Variants in DNAI4 observed in about 807,000 individuals in gnomAD.
DNAI4 encodes the protein WD repeat domain 78.
A neutral mutation model predicts 105.8 loss-of-function variants in DNAI4; 85 were observed. The observed-to-expected ratio is 0.80, with a 90% CI of 0.67 to 0.96. The LOEUF (loss-of-function observed/expected upper bound fraction) is 0.96, where lower values mean the gene tolerates loss of function less well. Ranked by LOEUF, DNAI4 falls within the 40% of genes least tolerant of loss-of-function variation. The pLI is 0.00. For synonymous variants in DNAI4, 352 were observed against 331.5 expected (o/e 1.06, Z -0.67); for missense variants, 1,014 against 1,005.6 (o/e 1.01, Z -0.11).
intron 16 of DNAI4, among the ~76,000 whole-genome samples, chr1:66,816,727 TCACACA>T (rs57920483): frequency 0.11 from 15,528 of 137,564 alleles, 1,015 homozygotes; most frequent in African/African-American, 0.18. Flanking sequence ...AGCCTTGAAA[TCACACA>T]CACACACACA....
rs115103884 is a variant in DNAI4 at position 66,856,140 on chromosome 1, T to G, written c.1096+6007A>C. On this transcript the variant is annotated intron_variant, in intron 7 of 16. Coordinates refer to ENST00000371026, the MANE Select transcript of DNAI4 (RefSeq NM_024763.5). ...GTAAACCACCACACCTGGCAAAAGA[T>G]ACACTTGAATATCACCAGCAATCAA... Among the ~76,000 whole-genome samples the G allele has an allele frequency of 4.8e-3, 724 of 150,044 alleles. 6 individuals carry two copies. The highest frequency in any genetic ancestry group is 0.017 in the African/African-American group (701 of 41,054).
intron 9 of DNAI4, among the ~76,000 whole-genome samples, chr1:66,839,160 G>C (rs1457455098): frequency 6.6e-6 from 1 of 152,048 alleles, no homozygotes; most frequent in Non-Finnish European, 1.5e-5. Context: ...GGACAGGAAT[G>C]GTAGCTCACA....
intron 3 of DNAI4, 140 bp downstream of exon 3, chr1:66,893,089 G>GAAAGAA (rs1569807886): frequency 2.4e-6 from 1 of 408,600 alleles, no homozygotes; most frequent in East Asian, 3.6e-5. Context: ...AAGAAAGAAA[G>GAAAGAA]AAAGAAAGAA....
At chr1:66,870,182 G>A (rs1039966476) in intron 6 of DNAI4, among the ~76,000 whole-genome samples, 4 of 152,176 alleles carry the variant, frequency 2.6e-5, no homozygotes, top group African/African-American at 9.7e-5. Context: ...GGTGGCTCAT[G>A]CCTGGAATCC....
At chr1:66,881,000 C>A (rs1647057457) in intron 4 of DNAI4, among the ~76,000 whole-genome samples, 1 of 152,192 alleles carries the variant, frequency 6.6e-6, no homozygotes, top group African/African-American at 2.4e-5. Flanking sequence ...CAAGCTATGG[C>A]TTCAGAGGGT....
At chr1:66,879,930 G>A (rs1647032330) in intron 4 of DNAI4, among the ~76,000 whole-genome samples, 1 of 150,316 alleles carries the variant, frequency 6.7e-6, no homozygotes, top group South Asian at 2.1e-4. Flanking sequence ...AACTCCCACA[G>A]TTCCCACATG....
In DNAI4 at chr1:66,813,884, T is replaced by G. The variant is rs534309570; in HGVS notation, c.*246A>C. On this transcript the variant is annotated 3_prime_UTR_variant, in exon 17 of 17. Transcript: ENST00000371026. Reference sequence around the variant, plus strand: ...GTACTCATATGTACTTAGAATATGATCAAGAGAGTAGGAATATCTTTAGAA... The same window carrying G: ...GTACTCATATGTACTTAGAATATGAGCAAGAGAGTAGGAATATCTTTAGAA... The G allele has an allele frequency of 2.6e-6, 1 of 387,550 alleles. No homozygotes were observed. The highest frequency in any genetic ancestry group is 4.6e-6 in the Non-Finnish European group (1 of 217,698). 24.0% of individuals were successfully genotyped at this position (387,550 alleles called of 1,614,324 possible).
Position 66,826,916 on chromosome 1 carries a change from G to A in DNAI4, c.2243C>T (p.Ser748Phe), listed in dbSNP as rs759173289. 2 of 1,614,152 alleles carry A rather than the reference G, an allele frequency of 1.2e-6. No individual in the cohort carries two copies. Among genetic ancestry groups the A allele is most frequent in the East Asian group, 4.5e-5 (2 of 44,860 alleles). ...AGACCAGGCAACGTCGTAAACAACA[G>A]AAGTAGCTGGATAAAAACTCAAAGA... is the stretch of plus-strand genomic sequence containing the variant. The part of the protein sequence containing the change: ...KPSLSFYPAT[S>F]VVYDVAWSPK... The change falls in exon 15 of 17, where the codon TCT becomes TTT. Residue 748 changes from serine to phenylalanine, a missense_variant. Coordinates refer to ENST00000371026, the MANE Select transcript of DNAI4 (RefSeq NM_024763.5).
chr1:66,894,551 T>C (rs1249049076), intron 2 of DNAI4, among the ~76,000 whole-genome samples: 1 of 152,106 alleles, frequency 6.6e-6, no homozygotes. Flanking sequence ...AGACATCTCC[T>C]TAAAAAAAAC....
chr1:66,876,899 T>C (rs6699606), intron 4 of DNAI4, among the ~76,000 whole-genome samples: 21,621 of 152,182 alleles, frequency 0.14, 1,688 homozygotes, highest in Middle Eastern at 0.21. Flanking sequence ...ACACCTTTAC[T>C]CATGAATCCC....
At chr1:66,829,125 G>C (rs1414096680) in intron 13 of DNAI4, among the ~76,000 whole-genome samples, 1 of 152,178 alleles carries the variant, frequency 6.6e-6, no homozygotes, top group Non-Finnish European at 1.5e-5. Context: ...GCTCTGGAGA[G>C]AAGATGGCCC....
At chr1:66,889,823 G>A (rs1010941394) in intron 4 of DNAI4, among the ~76,000 whole-genome samples, 1 of 152,004 alleles carries the variant, frequency 6.6e-6, no homozygotes, top group African/African-American at 2.4e-5. Flanking sequence ...TGCCTGGATT[G>A]AGCTTCCCCT....
At chr1:66,860,360 A>G (rs983537606) in intron 7 of DNAI4, among the ~76,000 whole-genome samples, 12 of 152,028 alleles carry the variant, frequency 7.9e-5, no homozygotes, top group African/African-American at 2.9e-4. Context: ...TATGGACCAT[A>G]TTTAACTTTT....
chr1:66,862,138 A>T lies in DNAI4; in HGVS notation c.1096+9T>A. On this transcript the variant is annotated intron_variant, in intron 7 of 16. Coordinates refer to ENST00000371026, the MANE Select transcript of DNAI4 (RefSeq NM_024763.5). ...TCATTCAAAAAAACTAAAATAAATG[A>T]AATCTTACTTTTTTCTGTAGTGCTC... is the stretch of plus-strand genomic sequence containing the variant. 1 of 1,558,168 alleles carries T rather than the reference A, an allele frequency of 6.4e-7. No homozygotes were observed. The highest frequency in any genetic ancestry group is 8.6e-7 in the Non-Finnish European group (1 of 1,160,172).
At chr1:66,879,024 T>C (rs904133250) in intron 4 of DNAI4, among the ~76,000 whole-genome samples, 2 of 152,210 alleles carry the variant, frequency 1.3e-5, no homozygotes, top group African/African-American at 2.4e-5. Context: ...TATTTCTTAA[T>C]TGTGATTTTA....
intron 16 of DNAI4, among the ~76,000 whole-genome samples, chr1:66,818,586 T>C (rs1162537105): frequency 6.6e-6 from 1 of 152,180 alleles, no homozygotes; most frequent in Non-Finnish European, 1.5e-5. Context: ...TGAGTAATCT[T>C]TTGTACATAT....
At chr1:66,857,053 C>G (rs1430562495) in intron 7 of DNAI4, among the ~76,000 whole-genome samples, 1 of 151,656 alleles carries the variant, frequency 6.6e-6, no homozygotes, top group Non-Finnish European at 1.5e-5. Context: ...TTGAAAATAT[C>G]AGTGAAATTC....
intron 4 of DNAI4, among the ~76,000 whole-genome samples, chr1:66,879,939 T>C (rs1569730302): frequency 6.7e-6 from 1 of 150,150 alleles, no homozygotes; most frequent in East Asian, 1.9e-4. Context: ...AGTTCCCACA[T>C]GTCATGGGAG....
Position 66,822,379 on chromosome 1 carries a change from A to T in DNAI4, c.2478T>A (p.Thr826=). ...VSVYELRNMP[T]VLETGRGDIM... ...GTCTTACCCGGCCAGTTTCCAAAAC[A>T]GTAGGCATATTTCTCAGTTCATACA... Residue 826 remains threonine (T), a synonymous_variant, in exon 16 of 17, where the codon ACT becomes ACA. Transcript: ENST00000371026. 6.2e-7 allele frequency: 1 copy of T among 1,607,654 alleles called. No individual in the cohort carries two copies. The highest frequency in any genetic ancestry group is 8.5e-7 in the Non-Finnish European group (1 of 1,178,068).
Sources: allele counts gnomAD v4.1 joint callset (sites outside exome capture counted in the v4.1 genomes callset), GRCh38; gene constraint gnomAD v4.1.1; transcripts MANE v1.5; gene names NCBI Gene and HGNC (gene_info 2026-07-23, HGNC 2026-07-21).